The following C2 variants were observed in gnomAD, a reference collection of about 807,000 sequenced individuals.
The protein encoded by C2 is complement C2.
Under a neutral mutation model 85.2 loss-of-function variants are expected in C2, and 64 were observed. The observed-to-expected ratio is 0.75, with a 90% CI of 0.61 to 0.92. The LOEUF (loss-of-function observed/expected upper bound fraction) is 0.92, where lower values mean the gene tolerates loss of function less well. Ranked by LOEUF, C2 falls within the 40% of genes least tolerant of loss-of-function variation. C2 has a pLI of 0.00. For missense variants in C2, 820 were observed against 971.6 expected, an observed-to-expected ratio of 0.84 and a Z score of 2.07; for synonymous variants, 311 against 370.8, an observed-to-expected ratio of 0.84 and a Z score of 1.85.
Position 31,945,237 on chromosome 6 carries a change from C to T in C2, c.2139C>T (p.Ser713=), listed in dbSNP as rs1437899014. 8.7e-6 allele frequency: 14 copies of T among 1,613,006 alleles called. No homozygotes were observed. The highest frequency in any genetic ancestry group is 7.6e-6 in the Non-Finnish European group (9 of 1,180,018). Residue 713 remains serine (S), a synonymous_variant, in exon 18 of 18, where the codon TCC becomes TCT. Coordinates refer to ENST00000299367, the MANE Select transcript of C2 (RefSeq NM_000063.6). This position sits in a 1 kb window ranked among gnomAD's most constrained non-coding sequence, Gnocchi z 5.3. ...NPCLGSADKN[S]RKRAPRSKVP... is the part of the protein sequence containing the mutation. Reference sequence around the variant, plus strand: ...GCCTTGGCTCTGCTGACAAAAACTCCCGCAAAAGGGCCCCTCGTAGCAAGG... The same window carrying T: ...GCCTTGGCTCTGCTGACAAAAACTCTCGCAAAAGGGCCCCTCGTAGCAAGG...
At chr6:31,903,498 C>T (rs1767520918) in intron 1 of C2, among the ~76,000 whole-genome samples, 1 of 152,022 alleles carries the variant, frequency 6.6e-6, no homozygotes, top group Non-Finnish European at 1.5e-5. Context: ...GACGTGGTGG[C>T]AGGTGCCTGT....
At chr6:31,907,544 C>T (rs1179508517) in intron 1 of C2, among the ~76,000 whole-genome samples, 1 of 137,206 alleles carries the variant, frequency 7.3e-6, no homozygotes, top group Non-Finnish European at 1.5e-5. Flanking sequence ...GTTCGCACTG[C>T]TGCACTCCAG....
At chr6:31,911,248 G>T (rs1471350985) in intron 1 of C2, among the ~76,000 whole-genome samples, 1 of 151,826 alleles carries the variant, frequency 6.6e-6, no homozygotes, top group Non-Finnish European at 1.5e-5. Context: ...GCAGTGAGCC[G>T]AGATGGCGCC....
chr6:31,931,118 TTGTG>T (rs1411265766), intron 3 of C2, among the ~76,000 whole-genome samples: 1 of 152,230 alleles, frequency 6.6e-6, no homozygotes, highest in African/African-American at 2.4e-5. Flanking sequence ...ATCCATGCTG[TTGTG>T]TGTATCAGTA....
chr6:31,928,987 A>C (rs1582069898), intron 3 of C2, 70 bp downstream of exon 3: 1 of 1,398,432 alleles, frequency 7.2e-7, no homozygotes, highest in East Asian at 2.3e-5. Context: ...CCCAATGTGC[A>C]TCCAGGAAGC....
Position 31,934,405 on chromosome 6 carries a change from G to T in C2, c.849+106G>T, listed in dbSNP as rs780190030. On this transcript the variant is annotated intron_variant, in intron 6 of 17. Coordinates refer to ENST00000299367, the MANE Select transcript of C2 (RefSeq NM_000063.6). Reference sequence around the variant, plus strand: ...CCCACTCACAGCCCACCTCCTCCAAGAAGTCTTCTCAGATTATACTCATGC... The same window carrying T: ...CCCACTCACAGCCCACCTCCTCCAATAAGTCTTCTCAGATTATACTCATGC... 6 of 1,463,060 alleles carry T rather than the reference G, an allele frequency of 4.1e-6. No homozygotes were observed. In the Admixed American group the frequency reaches 1.0e-4, roughly 25 times the overall value. 90.6% of individuals were successfully genotyped at this position (1,463,060 alleles called of 1,614,324 possible).
At chr6:31,928,946 G>A in intron 3 of C2, 29 bp downstream of exon 3, 1 of 1,584,934 alleles carries the variant, frequency 6.3e-7, no homozygotes, top group Non-Finnish European at 8.6e-7. Context: ...GGGCTACACA[G>A]GGGGCTGGGG....
intron 9 of C2, among the ~76,000 whole-genome samples, chr6:31,940,463 C>A (rs1294458849): frequency 6.6e-6 from 1 of 152,196 alleles, no homozygotes; most frequent in Non-Finnish European, 1.5e-5. Context: ...AGGAAAAATT[C>A]CTCAGGTTCA....
intron 1 of C2, among the ~76,000 whole-genome samples, chr6:31,914,261 C>T (rs1221273548): frequency 2.0e-5 from 3 of 151,712 alleles, no homozygotes; most frequent in Non-Finnish European, 4.4e-5. Flanking sequence ...TTAGGTTTCC[C>T]AGAGAAGGAA....
At chr6:31,936,215 G>T in intron 7 of C2, 154 bp downstream of exon 7, 1 of 769,568 alleles carries the variant, frequency 1.3e-6, no homozygotes. Flanking sequence ...CCAGGGTTAT[G>T]GTGGGGGAGT....
At chr6:31,900,827 G>A (rs746329079), upstream of C2, 17 of 1,608,798 alleles carry the variant, frequency 1.1e-5, no homozygotes, top group East Asian at 3.1e-4. The surrounding 1 kb of genome is among the most constrained non-coding windows in gnomAD (Gnocchi z 9.7). Flanking sequence ...GGCTGGCTTT[G>A]GGGTCCTGGC....
Position 31,944,913 on chromosome 6 carries a change from G to T in C2, c.2029+60G>T. 1 of 1,612,648 alleles carries T rather than the reference G, an allele frequency of 6.2e-7. No homozygotes were observed. The highest frequency in any genetic ancestry group is 8.5e-7 in the Non-Finnish European group (1 of 1,179,628). On this transcript the variant is annotated intron_variant, in intron 16 of 17. Transcript: ENST00000299367. The surrounding 1 kb of genome is among the most constrained non-coding windows in gnomAD (Gnocchi z 5.1). ...AAGGCCACCTGTGTCTCTGTGGCCAGCATGCATGCCAGAACACCAGTCCAC... is the reference window on the plus strand; with the variant it reads ...AAGGCCACCTGTGTCTCTGTGGCCATCATGCATGCCAGAACACCAGTCCAC...
In C2 at chr6:31,920,587, G is replaced by T. The variant is rs1421534560; in HGVS notation, c.-100+561G>T. Among the ~76,000 whole-genome samples the T allele has an allele frequency of 5.3e-5, 8 of 152,120 alleles. No homozygotes were observed. Among genetic ancestry groups the T allele is most frequent in the African/African-American group, 1.9e-4 (8 of 41,422 alleles). The stretch of plus-strand genomic sequence containing the variant: ...CCTCTTACCTGGGTTACCCAGGGCA[G>T]CTCCCCTGATGGGTAGCAAGAAGTG... On this transcript the variant is annotated intron_variant, in intron 1 of 3. Transcript: ENST00000413154. This position sits in a 1 kb window ranked among gnomAD's most constrained non-coding sequence, Gnocchi z 5.6.
chr6:31,910,331 C>T (rs6457457), intron 1 of C2, among the ~76,000 whole-genome samples: 11,447 of 150,908 alleles, frequency 0.076, 538 homozygotes, highest in South Asian at 0.14. Flanking sequence ...CTATTCAAGT[C>T]CTTTGCTCAT....
At chr6:31,939,890 CCT>C (rs1770747465) in intron 9 of C2, among the ~76,000 whole-genome samples, 1 of 152,142 alleles carries the variant, frequency 6.6e-6, no homozygotes, top group East Asian at 1.9e-4. Flanking sequence ...GATTCTCCTG[CCT>C]CAGCCTCCAG....
chr6:31,916,356 C>T (rs1471130696), upstream of C2, among the ~76,000 whole-genome samples: 2 of 151,656 alleles, frequency 1.3e-5, no homozygotes, highest in African/African-American at 2.4e-5. Context: ...GTCAGGAGTT[C>T]GAGACCAGCC....
At chr6:31,905,559 G>T (rs1340595088) in intron 1 of C2, among the ~76,000 whole-genome samples, 1 of 151,552 alleles carries the variant, frequency 6.6e-6, no homozygotes, top group Non-Finnish European at 1.5e-5. Context: ...TTAAGGCCGG[G>T]AGTTTGAGAC....
chr6:31,927,486 G>A, upstream of C2: 1 of 1,424,032 alleles, frequency 7.0e-7, no homozygotes, highest in African/African-American at 1.4e-5. This position sits in a 1 kb window ranked among gnomAD's most constrained non-coding sequence, Gnocchi z 4.7. Flanking sequence ...GGAGCGTGGG[G>A]GCAGTACACA....
At chr6:31,906,377 G>C (rs751760596) in intron 1 of C2, among the ~76,000 whole-genome samples, 1 of 151,578 alleles carries the variant, frequency 6.6e-6, no homozygotes. Flanking sequence ...CTAGCTCTTC[G>C]GAGCCCTCTC....
Sources: gnomAD v4.1 joint callset for allele counts (sites outside exome capture counted in the v4.1 genomes callset) on GRCh38, gnomAD v4.1.1 for gene constraint, Gnocchi (gnomAD v3.1) non-coding constraint, MANE v1.5 for transcripts, NCBI Gene and HGNC (gene_info 2026-07-23, HGNC 2026-07-21) for gene names.